ACAD8: variants seen among roughly 807,000 people sequenced by gnomAD.
The protein encoded by ACAD8 is isobutyryl-CoA dehydrogenase, mitochondrial.
ACAD8 carries 47 observed loss-of-function variants against 53.1 expected under a neutral mutation model. That is an observed-to-expected ratio of 0.89 (90% confidence interval 0.70 to 1.13). The LOEUF is 1.13. ACAD8 is among the 50% of genes most tolerant of loss of function. The pLI is 0.00. For missense variants in ACAD8, 494 were observed against 535.0 expected (o/e 0.92, Z 0.76); for synonymous variants, 198 against 201.3 (o/e 0.98, Z 0.14).
chr11:134,259,234 T>C, intron 5 of ACAD8, 150 bp downstream of exon 5: 1 of 758,964 alleles, frequency 1.3e-6, no homozygotes, highest in South Asian at 1.5e-5. Flanking sequence ...CTTTCTTTAT[T>C]CTCACTGTTT....
rs1433228446 is a variant in ACAD8, at chr11:134,257,167, G to A, written c.290G>A (p.Gly97Glu). Residue 97 changes from glycine (G) to glutamate (E), a missense_variant, in exon 3 of 11, where the codon GGG becomes GAG. By Grantham distance (98) the Gly-to-Glu change is moderately conservative. Transcript: ENST00000281182. ...GGVYIQTDVG[G>E]SGLSRLDTSV... ...GTCTACATACAAACAGATGTGGGCG[G>A]GTCTGGGCTGTCACGTCTTGATACC... The A allele has an allele frequency of 1.7e-5, 28 of 1,614,032 alleles. No individual in the cohort carries two copies. The highest frequency in any genetic ancestry group is 2.3e-5 in the Non-Finnish European group (27 of 1,180,044).
intron 6 of ACAD8, chr11:134,260,280 T>C (rs498602): frequency 0.97 from 811,810 of 835,888 alleles, 394,504 homozygotes; most frequent in Admixed American, 0.98. Context: ...AACAGGAGAC[T>C]TGTGATCATG....
In ACAD8 at chr11:134,261,284, C is replaced by T; in HGVS notation, c.851C>T (p.Ser284Phe). The change falls in exon 8 of 11, where the codon TCC becomes TTC. Residue 284 changes from serine (S) to phenylalanine (F), a missense_variant. Transcript: ENST00000281182. This position sits in a 1 kb window ranked among gnomAD's most constrained non-coding sequence, Gnocchi z 4.2. Reference protein sequence around the residue: ...NGGRINIASCSLGAAHASVIL... With the variant: ...NGGRINIASCFLGAAHASVIL... The stretch of plus-strand genomic sequence containing the variant: ...CGCTCTTCCCCTCTAGCTTCCTGCT[C>T]CCTGGGGGCTGCCCACGCCTCTGTC... The T allele has an allele frequency of 1.2e-6, 2 of 1,614,192 alleles. No individual in the cohort carries two copies. Among genetic ancestry groups the T allele is most frequent in the Non-Finnish European group, 1.7e-6 (2 of 1,180,034 alleles).
intron 10 of ACAD8, among the ~76,000 whole-genome samples, chr11:134,264,522 A>G (rs1268550446): frequency 2.2e-5 from 3 of 139,402 alleles, no homozygotes; most frequent in Admixed American, 2.0e-4. Context: ...TCAAAAGAAA[A>G]GTAAAAGAAA....
rs74738493 is a variant in ACAD8 at position 134,265,337 on chromosome 11, C to T, written c.*377C>T. 0.032 allele frequency: 7,628 copies of T among 240,402 alleles called. 571 individuals carry two copies. The highest frequency in any genetic ancestry group is 0.16 in the African/African-American group (7,089 of 44,794). The allele number at this position is 240,402 out of a possible 1,614,324, so 14.9% of individuals were successfully genotyped here. On this transcript the variant is annotated 3_prime_UTR_variant, in exon 11 of 11. Transcript: ENST00000281182. ...TCCTCTAGGGGCCTGGGGACTTTCACTGATGCTCTTCCTGATTCTAGAGCA... is the reference window on the plus strand; with the variant it reads ...TCCTCTAGGGGCCTGGGGACTTTCATTGATGCTCTTCCTGATTCTAGAGCA...
chr11:134,254,699 A>G (rs1939381020), intron 1 of ACAD8, among the ~76,000 whole-genome samples: 1 of 152,232 alleles, frequency 6.6e-6, no homozygotes, highest in African/African-American at 2.4e-5. Context: ...ATAAGGAATT[A>G]TTTAGAGGTG....
rs1283870493 is a variant in ACAD8, at chr11:134,261,196, T to C, written c.841+17T>C. The C allele has an allele frequency of 6.2e-7, 1 of 1,613,726 alleles. No homozygotes were observed. ...TCAATATTGGTGAGATACGCAGGGG[T>C]GTGGCAGGGAGGTAGCGGTCCGGGA... On this transcript the variant is annotated intron_variant, in intron 7 of 10. Transcript: ENST00000281182. The surrounding 1 kb of genome is among the most constrained non-coding windows in gnomAD (Gnocchi z 4.2).
rs980853264 is a variant in ACAD8 at position 134,264,116 on chromosome 11, G to A, written c.1196-792G>A. 105 of 926,282 alleles carry A rather than the reference G, an allele frequency of 1.1e-4. 1 individual carries two copies. Among genetic ancestry groups the A allele is most frequent in the Non-Finnish European group, 1.3e-4 (99 of 776,560 alleles). 57.4% of individuals were successfully genotyped at this position (926,282 alleles called of 1,614,324 possible). A position where few individuals can be genotyped will look rare whatever the true frequency, so the allele number is the denominator to read the frequency against. On this transcript the variant is annotated intron_variant, in intron 10 of 10. Coordinates refer to ENST00000281182, the MANE Select transcript of ACAD8 (RefSeq NM_014384.3). ...TCGCCGCACTTTGGGAGGCTGAGGC[G>A]GGTGGATCGCGTGAGGCCAGGAGTT...
intron 6 of ACAD8, chr11:134,260,833 TTAA>T: frequency 1.7e-6 from 1 of 601,076 alleles, no homozygotes; most frequent in East Asian, 2.9e-5. Flanking sequence ...GTAGATTCTC[TTAA>T]TAAGTTAGAA....
chr11:134,254,040 C>T (rs545161264), intron 1 of ACAD8, among the ~76,000 whole-genome samples: 16 of 151,898 alleles, frequency 1.1e-4, no homozygotes, highest in Non-Finnish European at 1.5e-4. Context: ...GGTTCCCCTC[C>T]GGCCGGTCAT....
intron 6 of ACAD8, 38 bp downstream of exon 6, chr11:134,259,783 A>T (rs1384256983): frequency 6.2e-7 from 1 of 1,614,014 alleles, no homozygotes; most frequent in Non-Finnish European, 8.5e-7. Context: ...TCAGGTTATG[A>T]GACTCTGCCA....
chr11:134,254,343 A>G (rs2136070527), intron 1 of ACAD8, among the ~76,000 whole-genome samples: 1 of 152,288 alleles, frequency 6.6e-6, no homozygotes, highest in South Asian at 2.1e-4. Context: ...AATAATTATT[A>G]TTGCCAGTGG....
At chr11:134,254,702 T>C (rs888990109) in intron 1 of ACAD8, among the ~76,000 whole-genome samples, 2 of 152,198 alleles carry the variant, frequency 1.3e-5, no homozygotes, top group African/African-American at 4.8e-5. Flanking sequence ...AGGAATTATT[T>C]AGAGGTGGGT....
At chr11:134,264,392 C>A (rs1281494245) in intron 10 of ACAD8, among the ~76,000 whole-genome samples, 1 of 152,022 alleles carries the variant, frequency 6.6e-6, no homozygotes, top group African/African-American at 2.4e-5. Flanking sequence ...GTGGCACATG[C>A]TTGTGGTCCC....
intron 9 of ACAD8, chr11:134,262,204 C>T: frequency 3.1e-6 from 2 of 649,544 alleles, no homozygotes; most frequent in South Asian, 3.0e-5. Flanking sequence ...TGTCAGGCTG[C>T]ATTGCCACTA....
intron 4 of ACAD8, 147 bp downstream of exon 4, chr11:134,258,771 T>C: frequency 1.3e-6 from 1 of 760,568 alleles, no homozygotes; most frequent in Non-Finnish European, 2.3e-6. Context: ...TCCTGTGACC[T>C]GATGTCACAA....
In ACAD8 at chr11:134,261,923, CAG is replaced by C; in HGVS notation, c.1092+34_1092+35del. ...ATTCCTCTGGCTCTCCTGGGATGGA[CAG>C]GGAACAGCTGCTAGGCCCAGGGGTC... is the stretch of plus-strand genomic sequence containing the variant. On this transcript the variant is annotated intron_variant, in intron 9 of 10. Coordinates refer to ENST00000281182, the MANE Select transcript of ACAD8 (RefSeq NM_014384.3). The surrounding 1 kb of genome is among the most constrained non-coding windows in gnomAD (Gnocchi z 4.2). 6.2e-7 allele frequency: 1 copy of C among 1,611,862 alleles called. No homozygotes were observed. Among genetic ancestry groups the C allele is most frequent in the Non-Finnish European group, 8.5e-7 (1 of 1,179,790 alleles).
chr11:134,255,261 C>G (rs1939448508), intron 1 of ACAD8, among the ~76,000 whole-genome samples: 1 of 152,274 alleles, frequency 6.6e-6, no homozygotes, highest in East Asian at 1.9e-4. Context: ...CTCAGCCTCC[C>G]AAGTAGCTGG....
chr11:134,263,698 G>A (rs763196784), intron 10 of ACAD8: 147 of 985,294 alleles, frequency 1.5e-4, no homozygotes, highest in Non-Finnish European at 1.7e-4. Context: ...TATGTGCGTA[G>A]GAAACTTCGC....
Sources: gnomAD v4.1 joint callset for allele counts (sites outside exome capture counted in the v4.1 genomes callset) on GRCh38, gnomAD v4.1.1 for gene constraint, Gnocchi (gnomAD v3.1) non-coding constraint, MANE v1.5 for transcripts, NCBI Gene and HGNC (gene_info 2026-07-23, HGNC 2026-07-21) for gene names.